SMARCC1: variants seen among roughly 807,000 people sequenced by gnomAD.
SMARCC1 encodes SWI/SNF related BAF chromatin remodeling complex subunit C1, also known as SWI/SNF complex subunit SMARCC1.
A neutral mutation model predicts 147.4 loss-of-function variants in SMARCC1; 43 were observed. The ratio of observed to expected loss-of-function variants is 0.29; its 90% CI spans 0.23 to 0.38. SMARCC1 has a LOEUF of 0.38. Among genes scored for constraint, SMARCC1 ranks in the 10% least tolerant of loss-of-function variants. The probability of loss-of-function intolerance (pLI) is 1.00; values close to 1 mark genes in which losing one functional copy is unlikely to be tolerated. For missense variants in SMARCC1, 1,119 were observed against 1,381.1 expected (o/e 0.81, Z 3.01); for synonymous variants, 495 against 484.4 (o/e 1.02, Z -0.29).
At chr3:47,676,261 T>C (rs1337659235) in intron 17 of SMARCC1, among the ~76,000 whole-genome samples, 1 of 152,212 alleles carries the variant, frequency 6.6e-6, no homozygotes, top group Non-Finnish European at 1.5e-5. Context: ...GTTATAAAGA[T>C]TTCTTTGCTT....
chr3:47,610,553 CTAAG>C, intron 25 of SMARCC1: 1 of 567,866 alleles, frequency 1.8e-6, no homozygotes, highest in South Asian at 2.0e-5. Context: ...CATGTTGAGT[CTAAG>C]TCTTTCCTTG....
chr3:47,699,867 A>C (rs898633750), intron 11 of SMARCC1, among the ~76,000 whole-genome samples: 1 of 151,966 alleles, frequency 6.6e-6, no homozygotes, highest in African/African-American at 2.4e-5. Flanking sequence ...TATATTTTAC[A>C]AATTTCTCAA....
chr3:47,636,839 C>A (rs1267304423), intron 22 of SMARCC1, among the ~76,000 whole-genome samples: 3 of 131,212 alleles, frequency 2.3e-5, no homozygotes, highest in African/African-American at 3.0e-5. Flanking sequence ...TGTGTGTGTA[C>A]TTAATAATTA....
At chr3:47,644,298 C>T (rs1352867123) in intron 21 of SMARCC1, among the ~76,000 whole-genome samples, 3 of 151,958 alleles carry the variant, frequency 2.0e-5, no homozygotes, top group African/African-American at 4.8e-5. Flanking sequence ...CTGGTCAATA[C>T]AGTAAAAGCC....
At chr3:47,773,128 T>A (rs1021403509) in intron 1 of SMARCC1, among the ~76,000 whole-genome samples, 192 bp from the exon 2 acceptor site, 2 of 152,114 alleles carry the variant, frequency 1.3e-5, no homozygotes, top group Non-Finnish European at 2.9e-5. Flanking sequence ...ACGGTTAATT[T>A]TTTTTTTCTT....
At chr3:47,752,349 C>G (rs1259082159) in intron 2 of SMARCC1, among the ~76,000 whole-genome samples, 1 of 152,174 alleles carries the variant, frequency 6.6e-6, no homozygotes, top group African/African-American at 2.4e-5. Flanking sequence ...GACTGTATCT[C>G]CCATTCCAGC....
At chr3:47,613,609 C>T (rs564355328) in intron 25 of SMARCC1, among the ~76,000 whole-genome samples, 19 of 152,288 alleles carry the variant, frequency 1.2e-4, no homozygotes, top group African/African-American at 4.6e-4. Context: ...ATCCGCCCGC[C>T]TCAGCCTCCT....
intron 21 of SMARCC1, among the ~76,000 whole-genome samples, chr3:47,659,052 A>G (rs1176294082): frequency 6.9e-6 from 1 of 145,774 alleles, no homozygotes; most frequent in East Asian, 2.1e-4. Flanking sequence ...CAGGAGGCGG[A>G]GGCTGCAGTG....
At chr3:47,612,487 G>T (rs1014146774) in intron 25 of SMARCC1, among the ~76,000 whole-genome samples, 1 of 152,070 alleles carries the variant, frequency 6.6e-6, no homozygotes, top group South Asian at 2.1e-4. Flanking sequence ...AGGAAATTCT[G>T]GTCTCTGCAT....
At chr3:47,721,622 A>T (rs1159571893) in intron 6 of SMARCC1, among the ~76,000 whole-genome samples, 4 of 152,190 alleles carry the variant, frequency 2.6e-5, no homozygotes, top group Non-Finnish European at 5.9e-5. Context: ...AGATTTTAAC[A>T]AGATATAGCC....
intron 9 of SMARCC1, among the ~76,000 whole-genome samples, chr3:47,707,740 G>A (rs1337509632): frequency 6.6e-6 from 1 of 152,134 alleles, no homozygotes. Context: ...TTAGCTGGAT[G>A]TAGGGGTGTG....
At chr3:47,620,684 G>A (rs1019823106) in intron 25 of SMARCC1, among the ~76,000 whole-genome samples, 11 of 152,112 alleles carry the variant, frequency 7.2e-5, no homozygotes, top group African/African-American at 1.4e-4. Flanking sequence ...GGAATGCTAC[G>A]TACAAGACTC....
At chr3:47,626,169 C>T (rs1358840124) in intron 24 of SMARCC1, among the ~76,000 whole-genome samples, 2 of 150,264 alleles carry the variant, frequency 1.3e-5, no homozygotes, top group African/African-American at 2.4e-5. Context: ...TTTTTTGAGA[C>T]AGAGTCTAGC....
rs1576422170 is a variant in SMARCC1, at chr3:47,722,571, C to T, written c.647-1836G>A. 2.6e-5 allele frequency among the ~76,000 whole-genome samples: 4 copies of T among 152,078 alleles called. No individual in the cohort carries two copies. In the South Asian group the frequency reaches 8.3e-4, roughly 31 times the overall value. On this transcript the variant is annotated intron_variant, in intron 6 of 27. Transcript: ENST00000254480. ...TCGGCCTCCCAAAGTGCTGGGATTACAGGCATGAGCCGCTGTGCCTGGCCA... is the reference window on the plus strand; with the variant it reads ...TCGGCCTCCCAAAGTGCTGGGATTATAGGCATGAGCCGCTGTGCCTGGCCA...
intron 24 of SMARCC1, 103 bp downstream of exon 24, chr3:47,635,087 A>G (rs2032950414): frequency 2.0e-6 from 2 of 996,040 alleles, no homozygotes; most frequent in East Asian, 2.4e-5. Flanking sequence ...GTCATCTCCT[A>G]TTGGGAGCAA....
chr3:47,772,317 C>T (rs1348282614), intron 2 of SMARCC1, among the ~76,000 whole-genome samples: 2 of 151,852 alleles, frequency 1.3e-5, no homozygotes, highest in African/African-American at 2.4e-5. Context: ...TGGCTAGAGC[C>T]GGGAGATCAA....
At chr3:47,645,015 T>C (rs2033099633) in intron 21 of SMARCC1, among the ~76,000 whole-genome samples, 1 of 152,132 alleles carries the variant, frequency 6.6e-6, no homozygotes, top group Non-Finnish European at 1.5e-5. Context: ...TAGTCAATAA[T>C]TTCTATCAAC....
intron 19 of SMARCC1, chr3:47,663,777 C>A (rs2033382991): frequency 1.9e-6 from 3 of 1,573,204 alleles, no homozygotes; most frequent in Non-Finnish European, 2.6e-6. Context: ...GGTTGCCTGG[C>A]CACGGCGGCC....
chr3:47,667,793 C>T (rs1208966744), intron 19 of SMARCC1, among the ~76,000 whole-genome samples: 1 of 152,120 alleles, frequency 6.6e-6, no homozygotes, highest in African/African-American at 2.4e-5. Flanking sequence ...AGAAGAACTG[C>T]GTGAACCCAG....
Sources: allele counts gnomAD v4.1 joint callset (sites outside exome capture counted in the v4.1 genomes callset), GRCh38; gene constraint gnomAD v4.1.1; transcripts MANE v1.5; gene names NCBI Gene and HGNC (gene_info 2026-07-23, HGNC 2026-07-21).